PRF1: variants seen among roughly 807,000 people sequenced by gnomAD.
PRF1 encodes the protein perforin-1.
PRF1 carries 11 observed loss-of-function variants against 11.7 expected under a neutral mutation model. The observed-to-expected ratio is 0.94, with a 90% CI of 0.59 to 1.56. PRF1 has a LOEUF of 1.56. Ranked by LOEUF, PRF1 falls within the 40% of genes most tolerant of loss-of-function variation. The pLI is 0.00. For missense variants in PRF1, 729 were observed against 751.0 expected, an observed-to-expected ratio of 0.97 and a Z score of 0.34; for synonymous variants, 314 against 327.8, an observed-to-expected ratio of 0.96 and a Z score of 0.45.
chr10:70,599,351 C>A (rs906548987), intron 2 of PRF1, among the ~76,000 whole-genome samples, 170 bp from the exon 3 acceptor site: 2 of 152,178 alleles, frequency 1.3e-5, no homozygotes, highest in Non-Finnish European at 2.9e-5. Context: ...GGCAGGAATG[C>A]CTCCGCTCTC....
intron 2 of PRF1, among the ~76,000 whole-genome samples, chr10:70,599,531 C>T (rs1848187882): frequency 6.6e-6 from 1 of 152,178 alleles, no homozygotes; most frequent in Non-Finnish European, 1.5e-5. Flanking sequence ...GGGAGGATCA[C>T]TTGAGCCCAG....
At position 70,600,501 on chromosome 10, in the gene PRF1, G is replaced by T. The variant is rs564234285; in HGVS notation, c.402C>A (p.Asp134Glu). The T allele has an allele frequency of 1.9e-6, 3 of 1,614,166 alleles. No individual in the cohort carries two copies. Among genetic ancestry groups the T allele is most frequent in the South Asian group, 1.1e-5 (1 of 91,084 alleles). ...CATTGCTGGTGGGCTTAGGAGTCAC[G>T]TCCAGCCCGACCTTCCAGTCGTTGC... is the stretch of plus-strand genomic sequence containing the variant. The part of the protein sequence containing the change: ...SIRNDWKVGL[D>E]VTPKPTSNVH... The change falls in exon 2 of 3, where the codon GAC becomes GAA. Residue 134 changes from aspartate to glutamate, a missense_variant. By Grantham distance (45) the Asp-to-Glu change is conservative (BLOSUM62 2). Coordinates refer to ENST00000441259, the MANE Select transcript of PRF1 (RefSeq NM_001083116.3). The surrounding 1 kb of genome is among the most constrained non-coding windows in gnomAD (Gnocchi z 4.9).
rs762398949 is a variant in PRF1 at position 70,597,780 on chromosome 10, T to C, written c.*273A>G. 1 of 600,870 alleles carries C rather than the reference T, an allele frequency of 1.7e-6. No homozygotes were observed. Among genetic ancestry groups the C allele is most frequent in the Non-Finnish European group, 2.9e-6 (1 of 339,350 alleles). 37.2% of individuals were successfully genotyped at this position (600,870 alleles called of 1,614,324 possible). A position where few individuals can be genotyped will look rare whatever the true frequency, so the allele number is the denominator to read the frequency against. ...AATCTTTTGGCTTCTCTGGGCCACG[T>C]TGGAAGAAGAATTGTGTTGGGCCAC... is the stretch of plus-strand genomic sequence containing the variant. On this transcript the variant is annotated 3_prime_UTR_variant, in exon 3 of 3. Coordinates refer to ENST00000441259, the MANE Select transcript of PRF1 (RefSeq NM_001083116.3).
rs1019965283 is a variant in PRF1, at chr10:70,597,869, G to A, written c.*184C>T. ...AAAAAAAAAAAAAAAATAGCAAAAA[G>A]AAACTCATAATGTTTTAAGAAAGTT... On this transcript the variant is annotated 3_prime_UTR_variant, in exon 3 of 3. Transcript: ENST00000441259. 5 of 675,854 alleles carry A rather than the reference G, an allele frequency of 7.4e-6. No individual in the cohort carries two copies. The highest frequency in any genetic ancestry group is 1.9e-5 in the South Asian group (1 of 52,934). 41.9% of individuals were successfully genotyped at this position (675,854 alleles called of 1,614,324 possible).
chr10:70,598,467 C>T lies in PRF1; in HGVS notation c.1254G>A (p.Glu418=), dbSNP rs200789852. 1 of 1,613,710 alleles carries T rather than the reference C, an allele frequency of 6.2e-7. No homozygotes were observed. Among genetic ancestry groups the T allele is most frequent in the Admixed American group, 1.7e-5 (1 of 60,034 alleles). ...GGCCCCATGCTTGGATGAAGGTCACCTCCAGCTGGGCCAGGCCCCTCTGCC... is the reference window on the plus strand; with the variant it reads ...GGCCCCATGCTTGGATGAAGGTCACTTCCAGCTGGGCCAGGCCCCTCTGCC... ...CPRQRGLAQL[E]VTFIQAWGLW... The change falls in exon 3 of 3, where the codon GAG becomes GAA. Residue 418 remains glutamate, a synonymous_variant. Coordinates refer to ENST00000441259, the MANE Select transcript of PRF1 (RefSeq NM_001083116.3).
rs1177117932 is a variant in PRF1, at chr10:70,597,942, G to A, written c.*111C>T. On this transcript the variant is annotated 3_prime_UTR_variant, in exon 3 of 3. Transcript: ENST00000441259. ...TTCAAAGCCATCCTGGGCCGCATGC[G>A]GGCCTCGGGTTGGACAAGCTTGGTC... 7.1e-6 allele frequency: 10 copies of A among 1,407,104 alleles called. No homozygotes were observed. Among genetic ancestry groups the A allele is most frequent in the Non-Finnish European group, 5.9e-6 (6 of 1,020,678 alleles). The allele number at this position is 1,407,104 out of a possible 1,614,324, so 87.2% of individuals were successfully genotyped here.
chr10:70,598,959 C>T lies in PRF1; in HGVS notation c.762G>A (p.Val254=), dbSNP rs2132476492. The change falls in exon 3 of 3, where the codon GTG becomes GTA. Residue 254 remains valine (V), a synonymous_variant. Transcript: ENST00000441259. The stretch of plus-strand genomic sequence containing the variant: ...GGGCCTCGACAGTCAGGCAGTCCTC[C>T]ACCTCGTTGTCCGTGAGCCCTTCCA... ...LALEGLTDNE[V]EDCLTVEAQV... 1 of 1,614,258 alleles carries T rather than the reference C, an allele frequency of 6.2e-7. No individual in the cohort carries two copies.
rs1345298701 is a variant in PRF1 at position 70,597,905 on chromosome 10, C to T, written c.*148G>A. 10 of 980,530 alleles carry T rather than the reference C, an allele frequency of 1.0e-5. No homozygotes were observed. The highest frequency in any genetic ancestry group is 3.3e-5 in the African/African-American group (2 of 61,056). The allele number at this position is 980,530 out of a possible 1,614,324, so 60.7% of individuals were successfully genotyped here. On this transcript the variant is annotated 3_prime_UTR_variant, in exon 3 of 3. Coordinates refer to ENST00000441259, the MANE Select transcript of PRF1 (RefSeq NM_001083116.3). ...TGTTTTAAGAAAGTTTGCGAATTTG[C>T]GTTGGGCCGCATTCAAAGCCATCCT...
chr10:70,599,576 C>A lies in PRF1; in HGVS notation c.540-395G>T, dbSNP rs112766788. Among the ~76,000 whole-genome samples the A allele has an allele frequency of 5.6e-3, 844 of 151,742 alleles. 2 individuals are homozygous for A. The highest frequency in any genetic ancestry group is 0.014 in the Middle Eastern group (4 of 294). ...ACCAGCCTGGGCAACATAGTGAGACCCCATCTCTATTTTTTTTTTAAGAAA... is the reference window on the plus strand; with the variant it reads ...ACCAGCCTGGGCAACATAGTGAGACACCATCTCTATTTTTTTTTTAAGAAA... On this transcript the variant is annotated intron_variant, in intron 2 of 2. Coordinates refer to ENST00000441259, the MANE Select transcript of PRF1 (RefSeq NM_001083116.3).
At position 70,598,573 on chromosome 10, in the gene PRF1, G is replaced by C; in HGVS notation, c.1148C>G (p.Pro383Arg). ...GTCTCGGGGGCTCTTCTGCCGCCCT[G>C]GTGGGCACGGCCGGCTGCAGTCCCT... ...RWRDCSRPCP[P>R]GRQKSPRDPC... Residue 383 changes from proline to arginine, a missense_variant, in exon 3 of 3, where the codon CCA becomes CGA. Coordinates refer to ENST00000441259, the MANE Select transcript of PRF1 (RefSeq NM_001083116.3). 6.2e-7 allele frequency: 1 copy of C among 1,612,716 alleles called. No homozygotes were observed. The highest frequency in any genetic ancestry group is 8.5e-7 in the Non-Finnish European group (1 of 1,179,788).
chr10:70,599,157 C>CG lies in PRF1; in HGVS notation c.563dup (p.Leu189AlafsTer4), dbSNP rs1454231642. 8.1e-6 allele frequency: 13 copies of CG among 1,613,986 alleles called. No homozygotes were observed. Among genetic ancestry groups the CG allele is most frequent in the African/African-American group, 1.3e-5 (1 of 74,916 alleles). On this transcript the variant is annotated frameshift_variant, in exon 3 of 3. Transcript: ENST00000441259. LOFTEE classifies it low-confidence loss of function (END_TRUNC). ...GGGCCCTCTTGAAGTCAGGGTGCAG[C>CG]GGGGGAGTGTGTACCACATGGAAAC...
chr10:70,601,840 A>AAAAAAAAAAAGAAAAAGAAAAAAAAG (rs55649452), intron 1 of PRF1, among the ~76,000 whole-genome samples: 2 of 97,764 alleles, frequency 2.0e-5, no homozygotes, highest in African/African-American at 3.9e-5. Flanking sequence ...AAAAAAAAAA[A>AAAAAAAAAAAGAAAAAGAAAAAAAAG]AAAAAGGGGC....
chr10:70,598,972 G>T lies in PRF1; in HGVS notation c.749C>A (p.Thr250Lys). ...RTCELALEGL[T>K]DNEVEDCLTV... Reference sequence around the variant, plus strand: ...CAGGCAGTCCTCCACCTCGTTGTCCGTGAGCCCTTCCAGGGCCAGCTCGCA... The same window carrying T: ...CAGGCAGTCCTCCACCTCGTTGTCCTTGAGCCCTTCCAGGGCCAGCTCGCA... The change falls in exon 3 of 3, where the codon ACG becomes AAG. Residue 250 changes from threonine (T) to lysine (K), a missense_variant. Thr to Lys is a moderately conservative substitution (Grantham distance 78). Coordinates refer to ENST00000441259, the MANE Select transcript of PRF1 (RefSeq NM_001083116.3). The T allele has an allele frequency of 6.2e-7, 1 of 1,614,238 alleles. No homozygotes were observed. The highest frequency in any genetic ancestry group is 8.5e-7 in the Non-Finnish European group (1 of 1,180,048).
intron 2 of PRF1, 81 bp from the exon 3 acceptor site, chr10:70,599,262 A>G (rs1485287937): frequency 1.0e-5 from 16 of 1,542,828 alleles, no homozygotes; most frequent in African/African-American, 1.4e-5. Context: ...GGACTGCTCA[A>G]GGTCACATGT....
intron 1 of PRF1, among the ~76,000 whole-genome samples, chr10:70,602,233 G>A (rs530612478): frequency 6.6e-6 from 1 of 152,312 alleles, no homozygotes; most frequent in African/African-American, 2.4e-5. Context: ...GTGACTTGAA[G>A]GGTGGAATTT....
intron 1 of PRF1, among the ~76,000 whole-genome samples, chr10:70,601,542 G>A (rs1332955202): frequency 3.9e-5 from 6 of 152,016 alleles, no homozygotes; most frequent in African/African-American, 7.2e-5. Flanking sequence ...AAAATCTGCC[G>A]ACCTGGCCAG....
chr10:70,597,458 A>G lies in PRF1; in HGVS notation c.*595T>C, dbSNP rs938816775. 5 of 386,872 alleles carry G rather than the reference A, an allele frequency of 1.3e-5. No homozygotes were observed. The Admixed American group carries it at 2.1e-4, about 16-fold the overall frequency. The allele number at this position is 386,872 out of a possible 1,614,324, so 24.0% of individuals were successfully genotyped here. A position where few individuals can be genotyped will look rare whatever the true frequency, so the allele number is the denominator to read the frequency against. On this transcript the variant is annotated 3_prime_UTR_variant, in exon 3 of 3. Transcript: ENST00000441259. ...GCAAAGCATTGTGGGCAAAGAAGAC[A>G]GAGCAGCTGGAGCTGATGGGGCTCC...
chr10:70,597,986 A>G lies in PRF1; in HGVS notation c.*67T>C. 2 of 1,587,334 alleles carry G rather than the reference A, an allele frequency of 1.3e-6. No individual in the cohort carries two copies. Among genetic ancestry groups the G allele is most frequent in the East Asian group, 2.2e-5 (1 of 44,654 alleles). ...CTTGGTCTAATGGGAATACGAAGAC[A>G]GCCCTGGCTCCCACTGTGAGAACCC... On this transcript the variant is annotated 3_prime_UTR_variant, in exon 3 of 3. Coordinates refer to ENST00000441259, the MANE Select transcript of PRF1 (RefSeq NM_001083116.3).
rs773409738 is a variant in PRF1, at chr10:70,600,656, C to T, written c.247G>A (p.Gly83Ser). ...GCCAGAGGCAGGCGCTGGAGGGTGC[C>T]CTCCTGTAGGGCATTTTCACAGAGG... Reference protein sequence around the residue: ...CTLCENALQEGTLQRLPLALT... With the variant: ...CTLCENALQESTLQRLPLALT... Residue 83 changes from glycine (G) to serine (S), a missense_variant, in exon 2 of 3, where the codon GGC becomes AGC. Transcript: ENST00000441259. This position sits in a 1 kb window ranked among gnomAD's most constrained non-coding sequence, Gnocchi z 4.9. 2 of 1,613,604 alleles carry T rather than the reference C, an allele frequency of 1.2e-6. No homozygotes were observed. The highest frequency in any genetic ancestry group is 1.1e-5 in the South Asian group (1 of 91,056).
Sources: gnomAD v4.1 joint callset for allele counts (sites outside exome capture counted in the v4.1 genomes callset) on GRCh38, gnomAD v4.1.1 for gene constraint, Gnocchi (gnomAD v3.1) non-coding constraint, MANE v1.5 for transcripts, NCBI Gene and HGNC (gene_info 2026-07-23, HGNC 2026-07-21) for gene names.